CAMK2B: variants seen among roughly 807,000 people sequenced by gnomAD.
CAMK2B encodes the protein calcium/calmodulin dependent protein kinase II beta.
In CAMK2B, 27 loss-of-function variants were observed where a neutral mutation model predicts 93.7. That is an observed-to-expected ratio of 0.29 (90% CI 0.21 to 0.40). The LOEUF (loss-of-function observed/expected upper bound fraction) is 0.40. CAMK2B is among the 10% of genes least tolerant of loss of function. The pLI is 1.00. For missense variants in CAMK2B, 568 were observed against 895.8 expected (o/e 0.63, Z 4.67); for synonymous variants, 374 against 358.8 (o/e 1.04, Z -0.48).
chr7:44,238,138 G>A (rs889552346), intron 13 of CAMK2B, among the ~76,000 whole-genome samples: 1 of 152,234 alleles, frequency 6.6e-6, no homozygotes, highest in African/African-American at 2.4e-5. Flanking sequence ...TGACCTAGCA[G>A]GATGGGTGGT....
At chr7:44,318,639 C>G (rs1186247070) in intron 1 of CAMK2B, among the ~76,000 whole-genome samples, 1 of 152,258 alleles carries the variant, frequency 6.6e-6, no homozygotes, top group Non-Finnish European at 1.5e-5. Context: ...GTAAGGGCGA[C>G]AGCAGCTCCT....
At position 44,270,241 on chromosome 7, in the gene CAMK2B, C is replaced by G. The variant is rs991551249; in HGVS notation, c.161-7177G>C. Among the ~76,000 whole-genome samples the G allele has an allele frequency of 7.9e-5, 12 of 152,270 alleles. No individual in the cohort carries two copies. In the East Asian group the frequency reaches 1.2e-3, roughly 15 times the overall value. Reference sequence around the variant, plus strand: ...TCCCTTCTGCTTGTCCACCACACAGCCCAGCTGGGGAGGGCACTGGGATGG... The same window carrying G: ...TCCCTTCTGCTTGTCCACCACACAGGCCAGCTGGGGAGGGCACTGGGATGG... On this transcript the variant is annotated intron_variant, in intron 2 of 23. Coordinates refer to ENST00000395749, the MANE Select transcript of CAMK2B (RefSeq NM_001220.5).
rs530047164 is a variant in CAMK2B at position 44,325,427 on chromosome 7, C to T, written c.-6G>A. 4.4e-6 allele frequency: 5 copies of T among 1,148,940 alleles called. No homozygotes were observed. Among genetic ancestry groups the T allele is most frequent in the East Asian group, 6.1e-5 (1 of 16,450 alleles). 71.2% of individuals were successfully genotyped at this position (1,148,940 alleles called of 1,614,324 possible). ...CAGGTCACCGTGGTGGCCATGGCGG[C>T]GGCGGACGGGCTCGGCGTGCGCTCG... On this transcript the variant is annotated 5_prime_UTR_variant, in exon 1 of 24. Coordinates refer to ENST00000395749, the MANE Select transcript of CAMK2B (RefSeq NM_001220.5).
chr7:44,286,353 C>T lies in CAMK2B; in HGVS notation c.66-2128G>A, dbSNP rs1039387151. ...GGAGCAGGGAGTCTGGGCCTCCGTG[C>T]GCCAGAACGCAACCACACACTGCAG... On this transcript the variant is annotated intron_variant, in intron 1 of 23. Coordinates refer to ENST00000395749, the MANE Select transcript of CAMK2B (RefSeq NM_001220.5). The surrounding 1 kb of genome is among the most constrained non-coding windows in gnomAD (Gnocchi z 4.0). Among the ~76,000 whole-genome samples, 4 of 152,084 alleles carry T rather than the reference C, an allele frequency of 2.6e-5. No homozygotes were observed. Among genetic ancestry groups the T allele is most frequent in the East Asian group, 3.9e-4 (2 of 5,188 alleles).
At position 44,235,615 on chromosome 7, in the gene CAMK2B, G is replaced by A. The variant is rs143085623; in HGVS notation, c.1022-939C>T. 4.4e-3 allele frequency among the ~76,000 whole-genome samples: 677 copies of A among 152,368 alleles called. 6 individuals carry two copies. The highest frequency in any genetic ancestry group is 0.016 in the African/African-American group (652 of 41,588). On this transcript the variant is annotated intron_variant, in intron 13 of 23. Transcript: ENST00000395749. The stretch of plus-strand genomic sequence containing the variant: ...GAGAAAACAAGATTTGTGTTGGTTC[G>A]GGCAGGGGCGCAAGACTGCGGGCCC...
At chr7:44,237,158 C>T (rs575063151) in intron 13 of CAMK2B, among the ~76,000 whole-genome samples, 6 of 152,366 alleles carry the variant, frequency 3.9e-5, no homozygotes, top group Admixed American at 6.5e-5. Context: ...GCTCTTTCCC[C>T]GGGCATGTCC....
intron 13 of CAMK2B, among the ~76,000 whole-genome samples, chr7:44,235,515 C>A (rs940912061): frequency 5.9e-5 from 9 of 152,056 alleles, no homozygotes; most frequent in Non-Finnish European, 8.8e-5. Flanking sequence ...AAATAAAAAA[C>A]CAAAAGAGGA....
At chr7:44,250,574 G>T (rs991957492) in intron 5 of CAMK2B, among the ~76,000 whole-genome samples, 16 of 144,092 alleles carry the variant, frequency 1.1e-4, no homozygotes, top group African/African-American at 4.2e-4. Flanking sequence ...CTGTCACCCA[G>T]GCTGGAGTGC....
chr7:44,281,795 C>T (rs1278012341), intron 2 of CAMK2B, among the ~76,000 whole-genome samples: 3 of 152,188 alleles, frequency 2.0e-5, no homozygotes, highest in Non-Finnish European at 4.4e-5. Flanking sequence ...TGTCCAAACA[C>T]CCCAGAGCTC....
At chr7:44,244,719 C>A (rs2128976657) in intron 6 of CAMK2B, among the ~76,000 whole-genome samples, 1 of 151,880 alleles carries the variant, frequency 6.6e-6, no homozygotes, top group Admixed American at 6.6e-5. Flanking sequence ...ATGACATATG[C>A]TATCCCCATG....
At chr7:44,221,290 G>C (rs1008256653) in intron 20 of CAMK2B, among the ~76,000 whole-genome samples, 5 of 152,184 alleles carry the variant, frequency 3.3e-5, no homozygotes, top group Admixed American at 3.3e-4. Flanking sequence ...GGGCCCACCA[G>C]GCCTGGCCCT....
chr7:44,257,826 T>C (rs772387595), intron 4 of CAMK2B, among the ~76,000 whole-genome samples: 6 of 152,274 alleles, frequency 3.9e-5, no homozygotes, highest in Non-Finnish European at 8.8e-5. Context: ...ACATGTGCCA[T>C]GGCCTGACGT....
At chr7:44,238,699 G>A (rs560592258) in intron 13 of CAMK2B, among the ~76,000 whole-genome samples, 10 of 152,244 alleles carry the variant, frequency 6.6e-5, no homozygotes, top group African/African-American at 1.7e-4. Flanking sequence ...CCCAGCCCAC[G>A]TTGGAGGCAC....
intron 4 of CAMK2B, among the ~76,000 whole-genome samples, chr7:44,255,786 C>G (rs1303071856): frequency 6.6e-6 from 1 of 152,172 alleles, no homozygotes; most frequent in Non-Finnish European, 1.5e-5. Context: ...TGTGGGTGCT[C>G]TCTCAGCACT....
chr7:44,262,624 C>T (rs1351140620), intron 3 of CAMK2B, among the ~76,000 whole-genome samples: 2 of 152,188 alleles, frequency 1.3e-5, no homozygotes, highest in East Asian at 3.9e-4. Context: ...ATGGGGGTCA[C>T]ATGCTGGGCA....
chr7:44,297,880 T>C (rs1056577319), intron 1 of CAMK2B, among the ~76,000 whole-genome samples: 1 of 152,194 alleles, frequency 6.6e-6, no homozygotes, highest in Non-Finnish European at 1.5e-5. Flanking sequence ...TCCCAGCACT[T>C]TGGGAGGCCA....
At chr7:44,278,929 G>A (rs1425019946) in intron 2 of CAMK2B, among the ~76,000 whole-genome samples, 3 of 152,238 alleles carry the variant, frequency 2.0e-5, no homozygotes, top group Non-Finnish European at 2.9e-5. Context: ...TGGCTACAGC[G>A]GGGCCCCCGG....
intron 1 of CAMK2B, among the ~76,000 whole-genome samples, chr7:44,293,603 A>T (rs1787456353): frequency 6.6e-6 from 1 of 152,200 alleles, no homozygotes; most frequent in Admixed American, 6.5e-5. Context: ...GAACAGAATG[A>T]AACTGTTTCA....
chr7:44,221,604 C>T (rs557660680), intron 20 of CAMK2B, among the ~76,000 whole-genome samples: 11 of 152,362 alleles, frequency 7.2e-5, no homozygotes, highest in South Asian at 2.1e-4. Context: ...GAGCCGCATC[C>T]GGCTGGCTCC....
Sources: allele counts gnomAD v4.1 joint callset (sites outside exome capture counted in the v4.1 genomes callset), GRCh38; gene constraint gnomAD v4.1.1; non-coding constraint Gnocchi (gnomAD v3.1); transcripts MANE v1.5; gene names NCBI Gene and HGNC (gene_info 2026-07-23, HGNC 2026-07-21).